The following FER1L6 variants were observed in gnomAD, a reference collection of about 807,000 sequenced individuals.
The protein encoded by FER1L6 is fer-1-like protein 6.
Under a neutral mutation model 219.2 loss-of-function variants are expected in FER1L6, and 177 were observed. That is an observed-to-expected ratio of 0.81 (90% CI 0.71 to 0.91). The LOEUF (loss-of-function observed/expected upper bound fraction) is 0.91. FER1L6 is among the 40% of genes least tolerant of loss of function. The pLI is 0.00. For missense variants in FER1L6, 2,153 were observed against 2,259.9 expected, an observed-to-expected ratio of 0.95 and a Z score of 0.96; for synonymous variants, 768 against 824.3, an observed-to-expected ratio of 0.93 and a Z score of 1.17.
chr8:123,913,946 A>T (rs1046834883), intron 1 of FER1L6, among the ~76,000 whole-genome samples: 1 of 152,196 alleles, frequency 6.6e-6, no homozygotes, highest in African/African-American at 2.4e-5. Flanking sequence ...AGGTCTGGAT[A>T]CATCTTCTGT....
At chr8:123,983,691 A>G (rs1361428136) in intron 11 of FER1L6, among the ~76,000 whole-genome samples, 3 of 152,202 alleles carry the variant, frequency 2.0e-5, no homozygotes, top group African/African-American at 7.2e-5. Flanking sequence ...GAACCTGAGT[A>G]AGTGACTTAA....
chr8:123,889,228 C>A (rs1817259015), intron 1 of FER1L6, among the ~76,000 whole-genome samples: 1 of 152,166 alleles, frequency 6.6e-6, no homozygotes, highest in African/African-American at 2.4e-5. Context: ...ATGTAGTTAA[C>A]TTTAAGTTTC....
rs368318443 is a variant in FER1L6, at chr8:123,958,705, A to C, written c.76+2631A>C. Among the ~76,000 whole-genome samples, 570 of 151,576 alleles carry C rather than the reference A, an allele frequency of 3.8e-3. 1 individual carries two copies. Among genetic ancestry groups the C allele is most frequent in the Middle Eastern group, 6.8e-3 (2 of 292 alleles). ...AGTTGAGTAAAGTGCTATTAAAAAA[A>C]AACCCAAAACAGACAGTGGGCTGAA... On this transcript the variant is annotated intron_variant, in intron 2 of 40. Transcript: ENST00000522917.
chr8:124,022,773 GA>G (rs1246445854), intron 17 of FER1L6, among the ~76,000 whole-genome samples: 1 of 151,732 alleles, frequency 6.6e-6, no homozygotes, highest in Non-Finnish European at 1.5e-5. Flanking sequence ...TACAAGATTG[GA>G]AAAAAAATCC....
intron 1 of FER1L6, among the ~76,000 whole-genome samples, chr8:123,921,720 C>T (rs76786755): frequency 0.049 from 7,391 of 151,930 alleles, 559 homozygotes; most frequent in African/African-American, 0.17. Context: ...ACATGTCAAC[C>T]GATGCAAGCT....
chr8:123,917,704 C>G (rs574384666), intron 1 of FER1L6, among the ~76,000 whole-genome samples: 47 of 152,300 alleles, frequency 3.1e-4, no homozygotes, highest in African/African-American at 1.1e-3. Context: ...GAGAGAAATA[C>G]TTATTTTTTG....
At position 124,017,653 on chromosome 8, in the gene FER1L6, A is replaced by G; in HGVS notation, c.1948A>G (p.Lys650Glu). 1 of 1,613,728 alleles carries G rather than the reference A, an allele frequency of 6.2e-7. No individual in the cohort carries two copies. Among genetic ancestry groups the G allele is most frequent in the Non-Finnish European group, 8.5e-7 (1 of 1,179,686 alleles). Residue 650 changes from lysine (K) to glutamate (E), a missense_variant, in exon 16 of 41, where the codon AAG becomes GAG. Lys to Glu is a moderately conservative substitution (Grantham distance 56). Transcript: ENST00000522917. ...SSAFISEAEK[K>E]PKMLNQTTLD... ...TGCCTTTATCTCTGAAGCAGAAAAAAAGCCCAAGATGTTGAACCAAACCAC... is the reference window on the plus strand; with the variant it reads ...TGCCTTTATCTCTGAAGCAGAAAAAGAGCCCAAGATGTTGAACCAAACCAC...
At chr8:123,959,546 C>G (rs1475222452) in intron 2 of FER1L6, among the ~76,000 whole-genome samples, 3 of 152,236 alleles carry the variant, frequency 2.0e-5, no homozygotes, top group Non-Finnish European at 4.4e-5. Flanking sequence ...GAGATCCTCT[C>G]TGTAGCTACT....
intron 1 of FER1L6, among the ~76,000 whole-genome samples, chr8:123,867,888 T>C (rs1244598514): frequency 6.6e-6 from 1 of 152,240 alleles, no homozygotes; most frequent in Admixed American, 6.5e-5. Flanking sequence ...CAGATCAAGA[T>C]GCAGAACATC....
At chr8:123,961,883 T>TC (rs1434004805) in intron 2 of FER1L6, among the ~76,000 whole-genome samples, 43 of 148,428 alleles carry the variant, frequency 2.9e-4, no homozygotes, top group African/African-American at 1.1e-3. Context: ...TTGTTTTCTT[T>TC]TTTTTTTTTT....
intron 12 of FER1L6, among the ~76,000 whole-genome samples, chr8:123,988,332 CT>C: frequency 6.6e-6 from 1 of 152,162 alleles, no homozygotes. Flanking sequence ...TCCATGTAAA[CT>C]TTAGAATTTT....
At chr8:124,041,170 A>G (rs1246940803) in intron 20 of FER1L6, among the ~76,000 whole-genome samples, 1 of 152,192 alleles carries the variant, frequency 6.6e-6, no homozygotes, top group African/African-American at 2.4e-5. Context: ...ATGGGTTAGC[A>G]CACACAGTGC....
intron 6 of FER1L6, among the ~76,000 whole-genome samples, chr8:123,971,339 T>C (rs1169583265): frequency 6.6e-6 from 1 of 152,164 alleles, no homozygotes; most frequent in Non-Finnish European, 1.5e-5. Context: ...ATTTCAGGCA[T>C]GATGACAAGT....
In FER1L6 at chr8:124,067,824, G is replaced by A; in HGVS notation, c.3718+18G>A. On this transcript the variant is annotated intron_variant, in intron 28 of 40. Transcript: ENST00000522917. ...CAATACAGGTAAGCAGTTATTCTGGGGACATTTGTCCATAGAATAGGGCCA... is the reference window on the plus strand; with the variant it reads ...CAATACAGGTAAGCAGTTATTCTGGAGACATTTGTCCATAGAATAGGGCCA... The A allele has an allele frequency of 6.2e-7, 1 of 1,608,502 alleles. No individual in the cohort carries two copies. The highest frequency in any genetic ancestry group is 1.1e-5 in the South Asian group (1 of 90,924).
At position 124,021,605 on chromosome 8, in the gene FER1L6, C is replaced by T; in HGVS notation, c.2069C>T (p.Ser690Phe). Residue 690 changes from serine to phenylalanine, a missense_variant, in exon 17 of 41, where the codon TCT becomes TTT. Coordinates refer to ENST00000522917, the MANE Select transcript of FER1L6 (RefSeq NM_001039112.2). ...GIIQQQKKKL[S>F]VDEMIHEAQN... ...ATTCAGCAGCAGAAGAAAAAGTTAT[C>T]TGTTGATGAAATGATTCACGAAGCC... 6.2e-7 allele frequency: 1 copy of T among 1,614,122 alleles called. No individual in the cohort carries two copies. The highest frequency in any genetic ancestry group is 8.5e-7 in the Non-Finnish European group (1 of 1,179,992).
intron 19 of FER1L6, among the ~76,000 whole-genome samples, chr8:124,036,550 G>GA (rs974949596): frequency 2.0e-5 from 3 of 152,004 alleles, no homozygotes; most frequent in African/African-American, 7.2e-5. Context: ...AAATGATGGG[G>GA]AAAAAAATGT....
intron 31 of FER1L6, among the ~76,000 whole-genome samples, chr8:124,074,427 G>C (rs1385905645): frequency 6.6e-6 from 1 of 152,142 alleles, no homozygotes; most frequent in Non-Finnish European, 1.5e-5. Flanking sequence ...GGAGGCCAAG[G>C]TGGGCAGATT....
rs959604540 is a variant in FER1L6 at position 123,853,676 on chromosome 8, T to A, written c.-8+1491T>A. On this transcript the variant is annotated intron_variant, in intron 1 of 40. Transcript: ENST00000522917. The surrounding 1 kb of genome is among the most constrained non-coding windows in gnomAD (Gnocchi z 6.6). ...TGGAGTAACATATTTTGAGAGAACC[T>A]ATCCAAGTTGCACGTATGCAGGTGA... 1.3e-5 allele frequency among the ~76,000 whole-genome samples: 2 copies of A among 152,170 alleles called. No individual in the cohort carries two copies. Among genetic ancestry groups the A allele is most frequent in the African/African-American group, 4.8e-5 (2 of 41,446 alleles).
chr8:123,927,655 A>C (rs937387546), intron 1 of FER1L6, among the ~76,000 whole-genome samples: 6 of 152,168 alleles, frequency 3.9e-5, no homozygotes, highest in African/African-American at 1.4e-4. Flanking sequence ...TAGAAGTTGT[A>C]CTTCTAGTTA....
Sources: allele counts gnomAD v4.1 joint callset (sites outside exome capture counted in the v4.1 genomes callset), GRCh38; gene constraint gnomAD v4.1.1; non-coding constraint Gnocchi (gnomAD v3.1); transcripts MANE v1.5; gene names NCBI Gene and HGNC (gene_info 2026-07-23, HGNC 2026-07-21).